Variants in EGR3 observed in about 807,000 individuals in gnomAD.
The protein encoded by EGR3 is early growth response protein 3.
Under a neutral mutation model 22.4 loss-of-function variants are expected in EGR3, and 4 were observed. That is an observed-to-expected ratio of 0.18 (90% CI 0.09 to 0.41). EGR3 has a LOEUF of 0.41. Among genes scored for constraint, EGR3 ranks in the 10% least tolerant of loss-of-function variants. The pLI, the probability that EGR3 is intolerant of heterozygous loss-of-function variation, is 1.00. For missense variants in EGR3, 315 were observed against 541.3 expected, an observed-to-expected ratio of 0.58 and a Z score of 4.15; for synonymous variants, 219 against 226.8, an observed-to-expected ratio of 0.97 and a Z score of 0.31.
Position 22,690,396 on chromosome 8 carries a change from G to T in EGR3, c.*77C>A. 2 of 1,290,458 alleles carry T rather than the reference G, an allele frequency of 1.5e-6. No homozygotes were observed. The highest frequency in any genetic ancestry group is 2.1e-6 in the Non-Finnish European group (2 of 945,430). The allele number at this position is 1,290,458 out of a possible 1,614,324, so 79.9% of individuals were successfully genotyped here. ...AGGGCGCGGCCCCTACGCCTCCGTG[G>T]CTGGCTTTCCCGCTGCTTTCAGGCT... On this transcript the variant is annotated 3_prime_UTR_variant, in exon 2 of 2. Transcript: ENST00000317216.
At position 22,692,648 on chromosome 8, in the gene EGR3, T is replaced by TCCATCCATTTATCTATCCACCCATCCAC. The variant is rs1426488657; in HGVS notation, c.154+115_154+142dup. 5 of 1,432,176 alleles carry TCCATCCATTTATCTATCCACCCATCCAC rather than the reference T, an allele frequency of 3.5e-6. No homozygotes were observed. In the East Asian group the frequency reaches 1.3e-4, roughly 36 times the overall value. The allele number at this position is 1,432,176 out of a possible 1,614,324, so 88.7% of individuals were successfully genotyped here. A position where few individuals can be genotyped will look rare whatever the true frequency, so the allele number is the denominator to read the frequency against. Reference sequence around the variant, plus strand: ...AAAATTCCCAGCGCGCCCCCATCTCTCCATCCATTTATCTATCCACCCATC... The same window carrying TCCATCCATTTATCTATCCACCCATCCAC: ...AAAATTCCCAGCGCGCCCCCATCTCTCCATCCATTTATCTATCCACCCATCCACCCATCCATTTATCTATCCACCCATC... On this transcript the variant is annotated intron_variant, in intron 1 of 1. Transcript: ENST00000317216. This position sits in a 1 kb window ranked among gnomAD's most constrained non-coding sequence, Gnocchi z 6.2.
At chr8:22,691,889 C>G (rs962138390) in intron 1 of EGR3, 8 of 1,235,162 alleles carry the variant, frequency 6.5e-6, no homozygotes, top group Non-Finnish European at 8.1e-6. Context: ...TTCCCTTGGC[C>G]CTGTCCGCTC....
intron 1 of EGR3, chr8:22,691,753 C>G (rs1282763537): frequency 1.0e-6 from 1 of 983,610 alleles, no homozygotes; most frequent in Admixed American, 6.2e-5. Context: ...CACACACACA[C>G]GCGCGCGCGC....
chr8:22,692,676 C>T lies in EGR3; in HGVS notation c.154+115G>A, dbSNP rs549089212. Reference sequence around the variant, plus strand: ...ATCCATTTATCTATCCACCCATCCACCCATCCATCCATCCATCCATCCATC... The same window carrying T: ...ATCCATTTATCTATCCACCCATCCATCCATCCATCCATCCATCCATCCATC... On this transcript the variant is annotated intron_variant, in intron 1 of 1. Transcript: ENST00000317216. This position sits in a 1 kb window ranked among gnomAD's most constrained non-coding sequence, Gnocchi z 6.2. 448 of 1,373,370 alleles carry T rather than the reference C, an allele frequency of 3.3e-4. No individual in the cohort carries two copies. Among genetic ancestry groups the T allele is most frequent in the African/African-American group, 2.4e-3 (163 of 66,752 alleles). 85.1% of individuals were successfully genotyped at this position (1,373,370 alleles called of 1,614,324 possible). A position where few individuals can be genotyped will look rare whatever the true frequency, so the allele number is the denominator to read the frequency against.
rs1563180683 is a variant in EGR3, at chr8:22,688,151, T to C, written c.*2322A>G. The C allele has an allele frequency of 6.6e-6, 1 of 152,388 alleles. No homozygotes were observed. The highest frequency in any genetic ancestry group is 1.5e-5 in the Non-Finnish European group (1 of 67,986). The allele number at this position is 152,388 out of a possible 1,614,324, so 9.4% of individuals were successfully genotyped here. On this transcript the variant is annotated 3_prime_UTR_variant, in exon 2 of 2. Coordinates refer to ENST00000317216, the MANE Select transcript of EGR3 (RefSeq NM_004430.3). ...TTTTTTTTTTAAACATGCAGACATA[T>C]AAAAAATCTGGATAGCACAACCTTT... is the stretch of plus-strand genomic sequence containing the variant.
Position 22,692,188 on chromosome 8 carries a change from G to A in EGR3, c.154+603C>T. On this transcript the variant is annotated intron_variant, in intron 1 of 1. Coordinates refer to ENST00000317216, the MANE Select transcript of EGR3 (RefSeq NM_004430.3). The surrounding 1 kb of genome is among the most constrained non-coding windows in gnomAD (Gnocchi z 6.2). The stretch of plus-strand genomic sequence containing the variant: ...CGCCCTTCCCCAGCTCCCCGGCCCC[G>A]GGATCGTTCCCCGTGGCAGGCCCTC... The A allele has an allele frequency of 2.2e-6, 3 of 1,390,406 alleles. No homozygotes were observed. The highest frequency in any genetic ancestry group is 2.8e-6 in the Non-Finnish European group (3 of 1,077,186). The allele number at this position is 1,390,406 out of a possible 1,614,324, so 86.1% of individuals were successfully genotyped here.
rs570108728 is a variant in EGR3 at position 22,690,764 on chromosome 8, C to T, written c.873G>A (p.Glu291=). ...TGTGGATGCGCAGGTGCCGGGTCAG[C>T]TCGTCCGAACGGCTGAAACGGCGGT... ...GCDRRFSRSD[E]LTRHLRIHTG... is the part of the protein sequence containing the mutation. Residue 291 remains glutamate (E), a synonymous_variant, in exon 2 of 2, where the codon GAG becomes GAA. Coordinates refer to ENST00000317216, the MANE Select transcript of EGR3 (RefSeq NM_004430.3). 534 of 1,613,728 alleles carry T rather than the reference C, an allele frequency of 3.3e-4. 6 individuals are homozygous for T. Among genetic ancestry groups the T allele is most frequent in the Admixed American group, 2.6e-3 (158 of 60,008 alleles).
At position 22,692,227 on chromosome 8, in the gene EGR3, A is replaced by T; in HGVS notation, c.154+564T>A. On this transcript the variant is annotated intron_variant, in intron 1 of 1. Transcript: ENST00000317216. This position sits in a 1 kb window ranked among gnomAD's most constrained non-coding sequence, Gnocchi z 6.2. ...TGGCAGGCCCTCGCCCCGCGGGTGA[A>T]CCCCCTCCTTCTCCCCGCCGTCCCC... is the stretch of plus-strand genomic sequence containing the variant. 1.4e-6 allele frequency: 2 copies of T among 1,439,482 alleles called. No individual in the cohort carries two copies. Among genetic ancestry groups the T allele is most frequent in the Non-Finnish European group, 1.8e-6 (2 of 1,101,962 alleles). The allele number at this position is 1,439,482 out of a possible 1,614,324, so 89.2% of individuals were successfully genotyped here.
Position 22,692,958 on chromosome 8 carries a change from T to TGCCGCCGCCGCCGCCACC in EGR3, c.-32_-15dup. 1 of 1,599,094 alleles carries TGCCGCCGCCGCCGCCACC rather than the reference T, an allele frequency of 6.3e-7. No individual in the cohort carries two copies. The highest frequency in any genetic ancestry group is 8.5e-7 in the Non-Finnish European group (1 of 1,175,132). On this transcript the variant is annotated 5_prime_UTR_variant, in exon 1 of 2. Coordinates refer to ENST00000317216, the MANE Select transcript of EGR3 (RefSeq NM_004430.3). The surrounding 1 kb of genome is among the most constrained non-coding windows in gnomAD (Gnocchi z 6.2). The stretch of plus-strand genomic sequence containing the variant: ...TTTGCCGGTCATAGCACTCCCGAGC[T>TGCCGCCGCCGCCGCCACC]GCCGCCGCCGCCGCCACCGCCGCCA...
chr8:22,690,629 C>G lies in EGR3; in HGVS notation c.1008G>C (p.Glu336Asp), dbSNP rs1322967385. 2 of 1,613,942 alleles carry G rather than the reference C, an allele frequency of 1.2e-6. No individual in the cohort carries two copies. Among genetic ancestry groups the G allele is most frequent in the African/African-American group, 2.7e-5 (2 of 74,952 alleles). ...THTGEKPFAC[E>D]FCGRKFARSD... ...TGCGCGCAAACTTGCGCCCGCAGAA[C>G]TCGCAGGCAAAGGGCTTCTCGCCCG... Residue 336 changes from glutamate to aspartate, a missense_variant, in exon 2 of 2, where the codon GAG becomes GAC. Physicochemically the swap from Glu to Asp is conservative, Grantham distance 45. Around this residue, in one of 4 missense-constraint regions of EGR3, gnomAD observed 16 missense variants for 118.3 expected, o/e 0.14. Transcript: ENST00000317216.
chr8:22,692,823 T>C lies in EGR3; in HGVS notation c.122A>G (p.Asp41Gly). ...SALNLFSGSS[D>G]SVVHYNQMAT... is the part of the protein sequence containing the mutation. ...CATCTGATTGTAATGGACTACCGAG[T>C]CGCTGCTGCCGGAGAAGAGGTTGAG... The change falls in exon 1 of 2, where the codon GAC (aspartate) becomes GGC (glycine). Residue 41 changes from aspartate to glycine, a missense_variant. Asp to Gly is a moderately conservative substitution (Grantham distance 94). Coordinates refer to ENST00000317216, the MANE Select transcript of EGR3 (RefSeq NM_004430.3). This position sits in a 1 kb window ranked among gnomAD's most constrained non-coding sequence, Gnocchi z 6.2. The C allele has an allele frequency of 6.2e-7, 1 of 1,612,276 alleles. No homozygotes were observed. Among genetic ancestry groups the C allele is most frequent in the Non-Finnish European group, 8.5e-7 (1 of 1,179,496 alleles).
Position 22,690,188 on chromosome 8 carries a change from A to C in EGR3, c.*285T>G. The C allele has an allele frequency of 2.2e-6, 1 of 452,768 alleles. No homozygotes were observed. The highest frequency in any genetic ancestry group is 3.9e-6 in the Non-Finnish European group (1 of 255,014). 28.0% of individuals were successfully genotyped at this position (452,768 alleles called of 1,614,324 possible). A position where few individuals can be genotyped will look rare whatever the true frequency, so the allele number is the denominator to read the frequency against. ...GGCGCGGCCCGGCGGCCCCTGGATC[A>C]AGGCGATCCGAACTGAACAAAGCGG... is the stretch of plus-strand genomic sequence containing the variant. On this transcript the variant is annotated 3_prime_UTR_variant, in exon 2 of 2. Transcript: ENST00000317216.
In EGR3 at chr8:22,689,278, TATACACATGCATGCATATAC is replaced by T. The variant is rs1803864851; in HGVS notation, c.*1175_*1194del. The T allele has an allele frequency of 6.6e-6, 1 of 152,614 alleles. No individual in the cohort carries two copies. Among genetic ancestry groups the T allele is most frequent in the Non-Finnish European group, 1.5e-5 (1 of 68,034 alleles). The allele number at this position is 152,614 out of a possible 1,614,324, so 9.5% of individuals were successfully genotyped here. A position where few individuals can be genotyped will look rare whatever the true frequency, so the allele number is the denominator to read the frequency against. ...ATGTATATGTACGCATGTGCATCTT[TATACACATGCATGCATATAC>T]ATACACATACATACACACGCACACC... On this transcript the variant is annotated 3_prime_UTR_variant, in exon 2 of 2. Coordinates refer to ENST00000317216, the MANE Select transcript of EGR3 (RefSeq NM_004430.3).
At position 22,691,034 on chromosome 8, in the gene EGR3, G is replaced by T. The variant is rs1257225292; in HGVS notation, c.603C>A (p.Asn201Lys). ...IPDYNLYHHP[N>K]DMGSIPEHKP... is the part of the protein sequence containing the mutation. ...TGTGCTCCGGAATGGAGCCCATGTCGTTGGGGTGGTGGTAGAGGTTGTAGT... is the reference window on the plus strand; with the variant it reads ...TGTGCTCCGGAATGGAGCCCATGTCTTTGGGGTGGTGGTAGAGGTTGTAGT... Residue 201 changes from asparagine to lysine, a missense_variant, in exon 2 of 2, where the codon AAC becomes AAA. Around this residue, in one of 4 missense-constraint regions of EGR3, gnomAD observed 227 missense variants for 303.6 expected, o/e 0.75. Transcript: ENST00000317216. 5 of 1,602,928 alleles carry T rather than the reference G, an allele frequency of 3.1e-6. No individual in the cohort carries two copies. Among genetic ancestry groups the T allele is most frequent in the East Asian group, 2.2e-5 (1 of 44,692 alleles).
At chr8:22,691,940 G>T in intron 1 of EGR3, 1 of 1,235,298 alleles carries the variant, frequency 8.1e-7, no homozygotes, top group Non-Finnish European at 1.0e-6. Context: ...TGCCCCCCAC[G>T]CGCGCTGCTC....
In EGR3 at chr8:22,692,573, C is replaced by A; in HGVS notation, c.154+218G>T. 7.0e-7 allele frequency: 1 copy of A among 1,432,202 alleles called. No homozygotes were observed. The highest frequency in any genetic ancestry group is 9.1e-7 in the Non-Finnish European group (1 of 1,096,036). The allele number at this position is 1,432,202 out of a possible 1,614,324, so 88.7% of individuals were successfully genotyped here. ...CGTGGCGTCGCCAACCTAGCCTTCT[C>A]GATCGAGGAGGGCGGGAGGAGTGGG... is the stretch of plus-strand genomic sequence containing the variant. On this transcript the variant is annotated intron_variant, in intron 1 of 1. Coordinates refer to ENST00000317216, the MANE Select transcript of EGR3 (RefSeq NM_004430.3). This position sits in a 1 kb window ranked among gnomAD's most constrained non-coding sequence, Gnocchi z 6.2.
chr8:22,691,752 ACG>A (rs927466336), intron 1 of EGR3: 43 of 984,036 alleles, frequency 4.4e-5, no homozygotes, highest in Admixed American at 1.2e-4. Context: ...CCACACACAC[ACG>A]CGCGCGCGCG....
Position 22,692,916 on chromosome 8 carries a change from G to A in EGR3, c.29C>T (p.Pro10Leu), listed in dbSNP as rs910555755. The change falls in exon 1 of 2, where the codon CCG becomes CTG. Residue 10 changes from proline (P) to leucine (L), a missense_variant. This residue lies in a region of EGR3 where 227 missense variants were observed against 303.6 expected (regional missense o/e 0.75). Transcript: ENST00000317216. The surrounding 1 kb of genome is among the most constrained non-coding windows in gnomAD (Gnocchi z 6.2). MTGKLAEKL[P>L]VTMSSLLNQL... ...GTTTAGCAAACTGCTCATGGTCACC[G>A]GCAGCTTCTCGGCGAGTTTGCCGGT... The A allele has an allele frequency of 2.5e-6, 4 of 1,612,582 alleles. No individual in the cohort carries two copies. The highest frequency in any genetic ancestry group is 3.4e-6 in the Non-Finnish European group (4 of 1,179,678).
rs1010022203 is a variant in EGR3 at position 22,687,685 on chromosome 8, A to G, written c.*2788T>C. ...ACAGGCCAAACTAAAGCTTTATGCT[A>G]TAAAAACAAGAAATAAAATAAGGAG... On this transcript the variant is annotated 3_prime_UTR_variant, in exon 2 of 2. Coordinates refer to ENST00000317216, the MANE Select transcript of EGR3 (RefSeq NM_004430.3). This position sits in a 1 kb window ranked among gnomAD's most constrained non-coding sequence, Gnocchi z 4.7. 1.3e-5 allele frequency: 2 copies of G among 152,688 alleles called. No individual in the cohort carries two copies. The highest frequency in any genetic ancestry group is 4.8e-5 in the African/African-American group (2 of 41,466). 9.5% of individuals were successfully genotyped at this position (152,688 alleles called of 1,614,324 possible).
Sources: allele counts gnomAD v4.1 joint callset, GRCh38; gene constraint gnomAD v4.1.1; regional missense constraint gnomAD v4.1.1; non-coding constraint Gnocchi (gnomAD v3.1); transcripts MANE v1.5; gene names NCBI Gene and HGNC (gene_info 2026-07-23, HGNC 2026-07-21).